Variants in FAM184B observed in about 807,000 individuals in gnomAD.
The protein encoded by FAM184B is family with sequence similarity 184 member B, also known as protein FAM184B.
Under a neutral mutation model 135.9 loss-of-function variants are expected in FAM184B, and 111 were observed. The observed-to-expected ratio is 0.82, with a 90% CI of 0.70 to 0.96. The LOEUF (loss-of-function observed/expected upper bound fraction) is 0.96, where lower values mean the gene tolerates loss of function less well. FAM184B is among the 40% of genes least tolerant of loss of function. The pLI, the probability that FAM184B is intolerant of heterozygous loss-of-function variation, is 0.00. For missense variants in FAM184B, 1,375 were observed against 1,323.9 expected, an observed-to-expected ratio of 1.04 and a Z score of -0.60; for synonymous variants, 552 against 524.8, an observed-to-expected ratio of 1.05 and a Z score of -0.71.
At chr4:17,771,320 A>C (rs898840180) in intron 1 of FAM184B, among the ~76,000 whole-genome samples, 3 of 152,104 alleles carry the variant, frequency 2.0e-5, no homozygotes, top group Non-Finnish European at 4.4e-5. Flanking sequence ...GGCACTGTGG[A>C]AAGTGGAGAG....
At chr4:17,777,841 T>C (rs80235035) in intron 1 of FAM184B, among the ~76,000 whole-genome samples, 1,820 of 152,298 alleles carry the variant, frequency 0.012, 39 homozygotes, top group African/African-American at 0.041. Flanking sequence ...TGCACCCCTG[T>C]AATCCCAGCA....
At chr4:17,732,731 A>G (rs1289181742) in intron 1 of FAM184B, among the ~76,000 whole-genome samples, 1 of 152,208 alleles carries the variant, frequency 6.6e-6, no homozygotes, top group East Asian at 1.9e-4. Context: ...GACCAGATGG[A>G]TTCACAGCCA....
At chr4:17,633,667 CT>C in intron 17 of FAM184B, 21 bp downstream of exon 17, 1 of 1,488,308 alleles carries the variant, frequency 6.7e-7, no homozygotes. Context: ...ATAAGGGCCC[CT>C]GTCCCCAACA....
chr4:17,724,680 A>G (rs1307499078), intron 1 of FAM184B, among the ~76,000 whole-genome samples: 1 of 152,206 alleles, frequency 6.6e-6, no homozygotes, highest in South Asian at 2.1e-4. Context: ...AACAGAGGCC[A>G]TGTGGTTGCA....
intron 11 of FAM184B, among the ~76,000 whole-genome samples, chr4:17,649,127 C>G (rs1715540585): frequency 6.6e-6 from 1 of 152,084 alleles, no homozygotes; most frequent in Non-Finnish European, 1.5e-5. Flanking sequence ...AGAGCAAGTG[C>G]TCAACATATA....
chr4:17,636,519 C>A lies in FAM184B; in HGVS notation c.2784+9G>T. On this transcript the variant is annotated intron_variant, in intron 15 of 17. Transcript: ENST00000265018. Reference sequence around the variant, plus strand: ...GGTGCGTGGGTGAGGCGCCCCCTGACAGCCTCACCGTGAGCTGCTTGATGA... The same window carrying A: ...GGTGCGTGGGTGAGGCGCCCCCTGAAAGCCTCACCGTGAGCTGCTTGATGA... The A allele has an allele frequency of 6.5e-7, 1 of 1,547,288 alleles. No homozygotes were observed. Among genetic ancestry groups the A allele is most frequent in the African/African-American group, 1.4e-5 (1 of 73,086 alleles).
intron 1 of FAM184B, among the ~76,000 whole-genome samples, chr4:17,757,692 C>T (rs2109044): frequency 0.039 from 5,990 of 152,098 alleles, 186 homozygotes; most frequent in Non-Finnish European, 0.058. Flanking sequence ...AACAGAGGTA[C>T]ATTATACCGT....
intron 5 of FAM184B, among the ~76,000 whole-genome samples, chr4:17,696,814 A>AAATGAATG (rs141390669): frequency 9.1e-4 from 133 of 146,492 alleles, no homozygotes; most frequent in African/African-American, 1.4e-3. Context: ...CCTTGTCTCT[A>AAATGAATG]AATGAATGAA....
At chr4:17,762,434 G>T (rs974364020) in intron 1 of FAM184B, among the ~76,000 whole-genome samples, 1 of 152,184 alleles carries the variant, frequency 6.6e-6, no homozygotes, top group Non-Finnish European at 1.5e-5. Flanking sequence ...CCTAGCTTCA[G>T]ATTGTGTGGG....
At chr4:17,734,516 C>T (rs997451166) in intron 1 of FAM184B, among the ~76,000 whole-genome samples, 5 of 152,074 alleles carry the variant, frequency 3.3e-5, no homozygotes, top group East Asian at 3.8e-4. Context: ...AAAAAGTGGG[C>T]AAAGGATATG....
chr4:17,685,866 C>T (rs892154402), intron 7 of FAM184B, among the ~76,000 whole-genome samples: 3 of 152,132 alleles, frequency 2.0e-5, no homozygotes, highest in Non-Finnish European at 4.4e-5. Context: ...GGTGATAGCA[C>T]CGGCTCATGG....
intron 1 of FAM184B, among the ~76,000 whole-genome samples, chr4:17,755,588 A>C (rs1430993516): frequency 6.6e-6 from 1 of 152,244 alleles, no homozygotes; most frequent in Non-Finnish European, 1.5e-5. Flanking sequence ...AAGTCATTTT[A>C]TTATAAAGAT....
Position 17,781,176 on chromosome 4 carries a change from T to C in FAM184B, c.124A>G (p.Ile42Val). Residue 42 changes from isoleucine to valine, a missense_variant, in exon 1 of 18, where the codon ATC (isoleucine) becomes GTC (valine). Ile to Val is a conservative substitution (Grantham distance 29, BLOSUM62 3). Coordinates refer to ENST00000265018, the MANE Select transcript of FAM184B (RefSeq NM_015688.2). This position sits in a 1 kb window ranked among gnomAD's most constrained non-coding sequence, Gnocchi z 6.5. ...PQMHVKMCKK[I>V]AQLTKVIYAL... is the part of the protein sequence containing the mutation. ...CACCTTACCTTGGTGAGCTGGGCGA[T>C]CTTCTTGCACATTTTCACGTGCATC... 1 of 1,547,768 alleles carries C rather than the reference T, an allele frequency of 6.5e-7. No individual in the cohort carries two copies. Among genetic ancestry groups the C allele is most frequent in the South Asian group, 1.2e-5 (1 of 83,434 alleles).
intron 12 of FAM184B, among the ~76,000 whole-genome samples, chr4:17,644,065 CAGG>C (rs1035127578): frequency 2.0e-5 from 3 of 152,144 alleles, no homozygotes; most frequent in Non-Finnish European, 2.9e-5. Flanking sequence ...GCATCTCAGG[CAGG>C]AGGAGTGGCA....
intron 1 of FAM184B, among the ~76,000 whole-genome samples, chr4:17,717,630 C>G (rs1055840206): frequency 9.2e-5 from 14 of 152,086 alleles, no homozygotes; most frequent in African/African-American, 3.4e-4. Context: ...AAATCCACTG[C>G]TGATGGGTTG....
Position 17,686,776 on chromosome 4 carries a change from T to C in FAM184B, c.1596+1648A>G, listed in dbSNP as rs752449324. Among the ~76,000 whole-genome samples the C allele has an allele frequency of 2.6e-4, 39 of 152,162 alleles. 1 individual carries two copies. Among genetic ancestry groups the C allele is most frequent in the Non-Finnish European group, 8.8e-5 (6 of 68,028 alleles). On this transcript the variant is annotated intron_variant, in intron 7 of 17. Coordinates refer to ENST00000265018, the MANE Select transcript of FAM184B (RefSeq NM_015688.2). ...GGCTAACATGGTGAAACACTGTTTC[T>C]ACAAAAAATAGAAAAATTAGCTGGG...
chr4:17,778,588 G>A (rs59632837), intron 1 of FAM184B, among the ~76,000 whole-genome samples: 34,911 of 152,134 alleles, frequency 0.23, 4,171 homozygotes, highest in South Asian at 0.31. Context: ...GATTGAATGC[G>A]GTGGCACATG....
chr4:17,704,892 A>C, intron 5 of FAM184B, 108 bp downstream of exon 5: 1 of 886,056 alleles, frequency 1.1e-6, no homozygotes. Flanking sequence ...TGTACAGAGC[A>C]GGAGCTCAGT....
intron 1 of FAM184B, among the ~76,000 whole-genome samples, chr4:17,729,370 T>C (rs1348875322): frequency 6.6e-6 from 1 of 152,210 alleles, no homozygotes; most frequent in African/African-American, 2.4e-5. Flanking sequence ...CAGACTTAAA[T>C]GTCCCTGTCT....
Sources: gnomAD v4.1 joint callset for allele counts (sites outside exome capture counted in the v4.1 genomes callset) on GRCh38, gnomAD v4.1.1 for gene constraint, Gnocchi (gnomAD v3.1) non-coding constraint, MANE v1.5 for transcripts, NCBI Gene and HGNC (gene_info 2026-07-23, HGNC 2026-07-21) for gene names.